Variants in N4BP1 observed in about 807,000 individuals in gnomAD.
N4BP1 encodes the protein NEDD4-binding protein 1.
Under a neutral mutation model 70.9 loss-of-function variants are expected in N4BP1, and 21 were observed. That is an observed-to-expected ratio of 0.30 (90% CI 0.21 to 0.43). The LOEUF (loss-of-function observed/expected upper bound fraction) is 0.43, where lower values mean the gene tolerates loss of function less well. N4BP1 is among the 20% of genes least tolerant of loss of function. The pLI is 1.00. For synonymous variants in N4BP1, 387 were observed against 394.6 expected, an observed-to-expected ratio of 0.98 and a Z score of 0.23; for missense variants, 936 against 1,069.4, an observed-to-expected ratio of 0.88 and a Z score of 1.74.
chr16:48,547,147 G>A (rs1963601519), intron 5 of N4BP1, among the ~76,000 whole-genome samples: 1 of 152,192 alleles, frequency 6.6e-6, no homozygotes, highest in African/African-American at 2.4e-5. Flanking sequence ...TAACAGGCAA[G>A]GTGCAACTGT....
intron 1 of N4BP1, among the ~76,000 whole-genome samples, chr16:48,596,399 C>CA (rs1178050292): frequency 2.0e-5 from 3 of 152,308 alleles, no homozygotes; most frequent in Admixed American, 6.5e-5. Context: ...TGAGTACACT[C>CA]AGACAGCTGC....
chr16:48,544,021 G>T (rs576246384), intron 6 of N4BP1, among the ~76,000 whole-genome samples: 1 of 152,194 alleles, frequency 6.6e-6, no homozygotes, highest in South Asian at 2.1e-4. Flanking sequence ...TCTCCTTCTG[G>T]TAACTCTGAC....
At position 48,553,594 on chromosome 16, in the gene N4BP1, T is replaced by C; in HGVS notation, c.1965A>G (p.Arg655=). 1.2e-6 allele frequency: 2 copies of C among 1,608,202 alleles called. No homozygotes were observed. The highest frequency in any genetic ancestry group is 2.2e-5 in the East Asian group (1 of 44,804). ...ACTGAGGGACAAATACAGTGATGTT[T>C]CTGTTGCCAAGCTTCCAAAAATATT... The part of the protein sequence containing the change: ...AVEYFWKLGN[R]NITVFVPQWR... Residue 655 remains arginine (R), a synonymous_variant, in exon 3 of 7, where the codon AGA becomes AGG. Transcript: ENST00000262384.
intron 1 of N4BP1, chr16:48,600,457 T>A: frequency 1.6e-6 from 1 of 626,410 alleles, no homozygotes; most frequent in East Asian, 3.1e-5. Context: ...GTTGAAGAGA[T>A]CAAACAGAAA....
intron 3 of N4BP1, 141 bp downstream of exon 3, chr16:48,553,398 G>T: frequency 1.5e-6 from 1 of 682,598 alleles, no homozygotes; most frequent in Non-Finnish European, 2.1e-6. Context: ...TTGATGTTTT[G>T]CTAGGTGCAG....
At chr16:48,604,662 C>CT (rs1481844258) in intron 1 of N4BP1, among the ~76,000 whole-genome samples, 1 of 150,802 alleles carries the variant, frequency 6.6e-6, no homozygotes, top group Admixed American at 6.6e-5. Flanking sequence ...CTCAGGTCCA[C>CT]TGACATGTTT....
At position 48,550,283 on chromosome 16, in the gene N4BP1, C is replaced by T. The variant is rs965528619; in HGVS notation, c.2117+1103G>A. Among the ~76,000 whole-genome samples the T allele has an allele frequency of 1.6e-4, 24 of 151,824 alleles. 1 individual carries two copies. The highest frequency in any genetic ancestry group is 3.9e-4 in the East Asian group (2 of 5,118). The stretch of plus-strand genomic sequence containing the variant: ...ATCCCAGCACTTTGGGAGGCCGAGA[C>T]GGGTGGATCATCTGAGGTCAGGAGT... On this transcript the variant is annotated intron_variant, in intron 4 of 6. Coordinates refer to ENST00000262384, the MANE Select transcript of N4BP1 (RefSeq NM_153029.4).
At chr16:48,603,982 C>T (rs1964539777) in intron 1 of N4BP1, among the ~76,000 whole-genome samples, 1 of 152,212 alleles carries the variant, frequency 6.6e-6, no homozygotes, top group Non-Finnish European at 1.5e-5. Context: ...ACCTCCAATC[C>T]TTGTGTCCTG....
intron 1 of N4BP1, chr16:48,587,060 T>C (rs1567441419): frequency 6.6e-6 from 1 of 152,232 alleles, no homozygotes; most frequent in Admixed American, 6.6e-5. Context: ...AAACTGACCA[T>C]GGTTATCCAG....
chr16:48,595,331 C>T (rs764793995), intron 1 of N4BP1, among the ~76,000 whole-genome samples: 9 of 151,534 alleles, frequency 5.9e-5, no homozygotes, highest in Admixed American at 1.3e-4. Flanking sequence ...GGCATGGTAG[C>T]GCACACCTGT....
chr16:48,590,016 G>T (rs1179220895), intron 1 of N4BP1, among the ~76,000 whole-genome samples: 2 of 152,190 alleles, frequency 1.3e-5, no homozygotes, highest in Non-Finnish European at 2.9e-5. Flanking sequence ...TTAGCTACAA[G>T]ATTAGAAATG....
chr16:48,548,827 G>A (rs1036891197), intron 4 of N4BP1, among the ~76,000 whole-genome samples: 7 of 138,900 alleles, frequency 5.0e-5, no homozygotes, highest in African/African-American at 1.4e-4. Flanking sequence ...ACAACAGAAC[G>A]AGACTGCTTC....
At chr16:48,551,061 A>C (rs1239284619) in intron 4 of N4BP1, among the ~76,000 whole-genome samples, 3 of 152,242 alleles carry the variant, frequency 2.0e-5, no homozygotes, top group Non-Finnish European at 2.9e-5. Context: ...AAGTAGACTG[A>C]GAGGAGATAA....
intron 6 of N4BP1, among the ~76,000 whole-genome samples, chr16:48,544,655 A>G (rs1963564205): frequency 6.6e-6 from 1 of 152,248 alleles, no homozygotes; most frequent in East Asian, 1.9e-4. Flanking sequence ...AACAAACCCC[A>G]ACTACAACAA....
chr16:48,608,497 A>G (rs1333238809), intron 1 of N4BP1, among the ~76,000 whole-genome samples: 2 of 152,232 alleles, frequency 1.3e-5, no homozygotes, highest in African/African-American at 4.8e-5. Flanking sequence ...CCCACCCCGC[A>G]GACAGGGCTC....
Position 48,543,250 on chromosome 16 carries a change from G to A in N4BP1, c.2345C>T (p.Pro782Leu). ...CACATTTGGCAGGGCACTGAGTAGGGGCTGCATATCTCTGTGAATGGAAGT... is the reference window on the plus strand; with the variant it reads ...CACATTTGGCAGGGCACTGAGTAGGAGCTGCATATCTCTGTGAATGGAAGT... ...QKEVCLRDMQ[P>L]LLSALPNVGM... Residue 782 changes from proline to leucine, a missense_variant, in exon 7 of 7, where the codon CCC (proline) becomes CTC (leucine). By Grantham distance (98) the Pro-to-Leu change is moderately conservative. This residue lies in a region of N4BP1 where 229 missense variants were observed against 343.5 expected (regional missense o/e 0.67). Coordinates refer to ENST00000262384, the MANE Select transcript of N4BP1 (RefSeq NM_153029.4). 1 of 1,523,564 alleles carries A rather than the reference G, an allele frequency of 6.6e-7. No homozygotes were observed. The allele number at this position is 1,523,564 out of a possible 1,614,324, so 94.4% of individuals were successfully genotyped here. A position where few individuals can be genotyped will look rare whatever the true frequency, so the allele number is the denominator to read the frequency against.
In N4BP1 at chr16:48,541,038, G is replaced by C. The variant is rs546605978; in HGVS notation, c.*1866C>G. On this transcript the variant is annotated 3_prime_UTR_variant, in exon 7 of 7. Coordinates refer to ENST00000262384, the MANE Select transcript of N4BP1 (RefSeq NM_153029.4). Reference sequence around the variant, plus strand: ...AGACTTACAGAACTCAAACATCAAAGGTCAAGTAGCTTCTAGCCAGGAAAA... The same window carrying C: ...AGACTTACAGAACTCAAACATCAAACGTCAAGTAGCTTCTAGCCAGGAAAA... The C allele has an allele frequency of 6.6e-6, 1 of 152,334 alleles. No individual in the cohort carries two copies. The highest frequency in any genetic ancestry group is 2.1e-4 in the South Asian group (1 of 4,822). The allele number at this position is 152,334 out of a possible 1,614,324, so 9.4% of individuals were successfully genotyped here.
chr16:48,548,293 C>T (rs1567426246), intron 4 of N4BP1, among the ~76,000 whole-genome samples, 179 bp from the exon 5 acceptor site: 1 of 152,206 alleles, frequency 6.6e-6, no homozygotes, highest in Non-Finnish European at 1.5e-5. Flanking sequence ...GTGAATATCT[C>T]TAAAATTATT....
chr16:48,586,350 C>T (rs192129572), intron 1 of N4BP1, among the ~76,000 whole-genome samples: 1 of 152,318 alleles, frequency 6.6e-6, no homozygotes, highest in East Asian at 1.9e-4. Flanking sequence ...CATACACATG[C>T]TCTTTTTAAT....
Sources: allele counts gnomAD v4.1 joint callset (sites outside exome capture counted in the v4.1 genomes callset), GRCh38; gene constraint gnomAD v4.1.1; regional missense constraint gnomAD v4.1.1; transcripts MANE v1.5; gene names NCBI Gene and HGNC (gene_info 2026-07-23, HGNC 2026-07-21).